SOX6: variants seen among roughly 807,000 people sequenced by gnomAD.
SOX6 encodes SRY-box transcription factor 6, also known as transcription factor SOX-6.
Under a neutral mutation model 97.8 loss-of-function variants are expected in SOX6, and 11 were observed. The ratio of observed to expected loss-of-function variants is 0.11; its 90% CI spans 0.07 to 0.19. The LOEUF (loss-of-function observed/expected upper bound fraction) is 0.19. Among genes scored for constraint, SOX6 ranks in the 10% least tolerant of loss-of-function variants. SOX6 has a pLI of 1.00. For synonymous variants in SOX6, 360 were observed against 371.4 expected (o/e 0.97, Z 0.35); for missense variants, 810 against 1,039.5 (o/e 0.78, Z 3.04).
chr11:16,553,667 T>C (rs1847716019), intron 4 of SOX6, among the ~76,000 whole-genome samples: 2 of 151,840 alleles, frequency 1.3e-5, no homozygotes, highest in South Asian at 4.2e-4. Flanking sequence ...GTGGAGACCA[T>C]ACCTCTAAAG....
intron 3 of SOX6, among the ~76,000 whole-genome samples, chr11:16,670,551 C>T (rs1378763667): frequency 6.6e-6 from 1 of 152,184 alleles, no homozygotes; most frequent in East Asian, 1.9e-4. Context: ...TTCACACCTC[C>T]AACAAACTGC....
chr11:16,184,999 G>A (rs1851434532), intron 5 of SOX6, among the ~76,000 whole-genome samples: 1 of 152,162 alleles, frequency 6.6e-6, no homozygotes, highest in Non-Finnish European at 1.5e-5. Flanking sequence ...TATGTTGGAA[G>A]TGAAAATGAG....
At chr11:16,525,537 A>G (rs1317283468) in intron 4 of SOX6, among the ~76,000 whole-genome samples, 2 of 151,868 alleles carry the variant, frequency 1.3e-5, no homozygotes, top group Admixed American at 1.3e-4. Context: ...CCCTAGAAGA[A>G]AACCTAGGCA....
upstream of SOX6, among the ~76,000 whole-genome samples, chr11:16,359,558 C>T (rs1258608739): frequency 3.9e-5 from 6 of 152,014 alleles, no homozygotes; most frequent in Non-Finnish European, 5.9e-5. Flanking sequence ...TTATCTGTGC[C>T]TACCTGTCCT....
In SOX6 at chr11:16,026,523, T is replaced by C. The variant is rs578165983; in HGVS notation, c.1624-11473A>G. On this transcript the variant is annotated intron_variant, in intron 12 of 15. Transcript: ENST00000683767. ...TGTGTCCCTAGTTTGAGACTCATTA[T>C]GGTGGCACTAGCCCAGAATACATCT... Among the ~76,000 whole-genome samples the C allele has an allele frequency of 7.8e-4, 119 of 152,318 alleles. 5 individuals are homozygous for C. The South Asian group carries it at 0.024, about 30-fold the overall frequency.
intron 6 of SOX6, among the ~76,000 whole-genome samples, chr11:16,168,976 C>T (rs1850960642): frequency 6.6e-6 from 1 of 152,088 alleles, no homozygotes; most frequent in African/African-American, 2.4e-5. Flanking sequence ...AATGTTGTTC[C>T]CATGAAATGA....
At chr11:16,619,777 A>G (rs1444558196) in intron 3 of SOX6, among the ~76,000 whole-genome samples, 2 of 152,142 alleles carry the variant, frequency 1.3e-5, no homozygotes, top group African/African-American at 4.8e-5. Context: ...TTCATTTAAC[A>G]TGAAAAAATG....
At chr11:16,438,725 T>C (rs1469414557) in intron 1 of SOX6, among the ~76,000 whole-genome samples, 1 of 149,006 alleles carries the variant, frequency 6.7e-6, no homozygotes, top group Non-Finnish European at 1.5e-5. Flanking sequence ...AGAAGAAAAA[T>C]AGGGGCCAGA....
intron 2 of SOX6, among the ~76,000 whole-genome samples, chr11:16,729,248 G>A (rs945608247): frequency 2.6e-5 from 4 of 152,054 alleles, no homozygotes; most frequent in Admixed American, 6.6e-5. Flanking sequence ...GATACTCCTC[G>A]AGAAGAGCAA....
chr11:16,729,912 G>T (rs1316328344), intron 2 of SOX6, among the ~76,000 whole-genome samples: 3 of 151,750 alleles, frequency 2.0e-5, no homozygotes. Context: ...AAAAGCAGGG[G>T]TTGCAATCCG....
chr11:16,327,572 CT>C, intron 2 of SOX6, among the ~76,000 whole-genome samples: 1 of 152,200 alleles, frequency 6.6e-6, no homozygotes. Flanking sequence ...ACTACCAATT[CT>C]TATTTATCCT....
At position 16,172,273 on chromosome 11, in the gene SOX6, G is replaced by A. The variant is rs749521111; in HGVS notation, c.777+11613C>T. On this transcript the variant is annotated intron_variant, in intron 6 of 15. Coordinates refer to ENST00000683767, the MANE Select transcript of SOX6 (RefSeq NM_001367873.1). ...AATTAATACCTTAGCAAAGCTATAAGGATTTGTTTCCAAAAATTATGATAT... is the reference window on the plus strand; with the variant it reads ...AATTAATACCTTAGCAAAGCTATAAAGATTTGTTTCCAAAAATTATGATAT... Among the ~76,000 whole-genome samples, 26 of 152,116 alleles carry A rather than the reference G, an allele frequency of 1.7e-4. No individual in the cohort carries two copies. In the South Asian group the frequency reaches 2.1e-3, roughly 12 times the overall value.
intron 3 of SOX6, among the ~76,000 whole-genome samples, chr11:16,684,651 A>C (rs937725466): frequency 4.6e-5 from 7 of 152,118 alleles, no homozygotes; most frequent in African/African-American, 1.7e-4. Flanking sequence ...TGATGGGTGC[A>C]GCAAACCAAC....
intron 4 of SOX6, among the ~76,000 whole-genome samples, chr11:16,611,568 A>C (rs1376535105): frequency 6.6e-6 from 1 of 152,234 alleles, no homozygotes; most frequent in Non-Finnish European, 1.5e-5. Context: ...ATAACAAATA[A>C]ACCAACACTT....
chr11:16,564,525 C>T (rs1311228766), intron 4 of SOX6, among the ~76,000 whole-genome samples: 3 of 152,024 alleles, frequency 2.0e-5, no homozygotes, highest in African/African-American at 4.8e-5. Flanking sequence ...CTTTTATGTG[C>T]CCCTAGAACA....
chr11:16,559,242 ACT>A (rs1040239351), intron 4 of SOX6, among the ~76,000 whole-genome samples: 2 of 152,046 alleles, frequency 1.3e-5, no homozygotes, highest in African/African-American at 2.4e-5. Flanking sequence ...GGTATCTGAA[ACT>A]CTTTCAAACA....
chr11:16,683,904 C>G (rs1455673008), intron 3 of SOX6, among the ~76,000 whole-genome samples: 7 of 152,268 alleles, frequency 4.6e-5, no homozygotes. Flanking sequence ...AAACAAACAA[C>G]TCCATCAAAA....
At chr11:16,431,801 T>A (rs1015197519) in intron 1 of SOX6, among the ~76,000 whole-genome samples, 3 of 152,108 alleles carry the variant, frequency 2.0e-5, no homozygotes, top group Non-Finnish European at 2.9e-5. Context: ...TTTCCCAATT[T>A]CTTATATTCT....
intron 5 of SOX6, 24 bp from the exon 6 acceptor site, chr11:16,183,978 A>G: frequency 6.2e-7 from 1 of 1,603,634 alleles, no homozygotes; most frequent in Non-Finnish European, 8.5e-7. Context: ...AGTTTCATTA[A>G]GTTAAAATGA....
Sources: gnomAD v4.1 joint callset for allele counts (sites outside exome capture counted in the v4.1 genomes callset) on GRCh38, gnomAD v4.1.1 for gene constraint, MANE v1.5 for transcripts, NCBI Gene and HGNC (gene_info 2026-07-23, HGNC 2026-07-21) for gene names.